Variants in NUBPL observed in about 807,000 individuals in gnomAD.
The protein encoded by NUBPL is NUBP iron-sulfur cluster assembly factor, mitochondrial.
NUBPL carries 31 observed loss-of-function variants against 45.7 expected under a neutral mutation model. The ratio of observed to expected loss-of-function variants is 0.68; its 90% CI spans 0.51 to 0.92. The LOEUF is 0.92. NUBPL is among the 40% of genes least tolerant of loss of function. NUBPL has a pLI of 0.00. For synonymous variants in NUBPL, 144 were observed against 140.9 expected (o/e 1.02, Z -0.15); for missense variants, 401 against 398.7 (o/e 1.01, Z -0.05).
At chr14:31,645,774 A>C (rs868010191) in intron 4 of NUBPL, among the ~76,000 whole-genome samples, 4,106 of 81,706 alleles carry the variant, frequency 0.05, 6 homozygotes, top group Middle Eastern at 0.1. Flanking sequence ...TATACTTTAC[A>C]CCCCCCCCCC....
At chr14:31,848,219 T>C (rs1036723565) in intron 9 of NUBPL, among the ~76,000 whole-genome samples, 44 of 152,298 alleles carry the variant, frequency 2.9e-4, no homozygotes, top group Non-Finnish European at 1.2e-4. Flanking sequence ...GAAAAATCAT[T>C]TAGAATTCCT....
intron 4 of NUBPL, among the ~76,000 whole-genome samples, chr14:31,660,831 A>G (rs1467873704): frequency 1.3e-5 from 2 of 152,214 alleles, no homozygotes; most frequent in African/African-American, 2.4e-5. Flanking sequence ...GCTAATACCA[A>G]GTACATGGTG....
intron 3 of NUBPL, among the ~76,000 whole-genome samples, chr14:31,596,831 T>C (rs2034297011): frequency 6.6e-6 from 1 of 152,164 alleles, no homozygotes. Context: ...CACCTTGCAG[T>C]GTTGCTGTGA....
intron 2 of NUBPL, among the ~76,000 whole-genome samples, chr14:31,563,048 T>TA (rs939903014): frequency 6.6e-5 from 10 of 152,198 alleles, no homozygotes; most frequent in South Asian, 6.2e-4. Flanking sequence ...ACCATATTGT[T>TA]AAAAAAAATT....
chr14:31,582,813 A>C (rs1403671829), intron 3 of NUBPL, among the ~76,000 whole-genome samples: 1 of 152,206 alleles, frequency 6.6e-6, no homozygotes, highest in African/African-American at 2.4e-5. Context: ...GTAATAGAGA[A>C]AAAAGGATTT....
intron 9 of NUBPL, 73 bp from the exon 10 acceptor site, chr14:31,850,046 G>C: frequency 9.0e-7 from 1 of 1,114,744 alleles, no homozygotes; most frequent in Non-Finnish European, 1.4e-6. Context: ...TCTTTCCATA[G>C]TTCAAATAGT....
intron 6 of NUBPL, among the ~76,000 whole-genome samples, chr14:31,728,024 A>C (rs983362817): frequency 2.0e-5 from 3 of 152,132 alleles, no homozygotes; most frequent in African/African-American, 7.2e-5. Context: ...AAAATCAAAA[A>C]ATTTTAAGGA....
At chr14:31,603,170 C>T (rs1477955941) in intron 4 of NUBPL, among the ~76,000 whole-genome samples, 1 of 151,532 alleles carries the variant, frequency 6.6e-6, no homozygotes, top group Admixed American at 6.6e-5. Flanking sequence ...CATGGTGGCT[C>T]ACACCTGTAG....
At chr14:31,644,851 A>G (rs1352588389) in intron 4 of NUBPL, among the ~76,000 whole-genome samples, 2 of 152,064 alleles carry the variant, frequency 1.3e-5, no homozygotes, top group African/African-American at 4.8e-5. Context: ...ATAGATATAT[A>G]TAGTTATTAT....
intron 1 of NUBPL, chr14:31,561,846 T>G (rs2139435390): frequency 3.3e-6 from 2 of 604,754 alleles, no homozygotes; most frequent in Non-Finnish European, 5.7e-6. Flanking sequence ...CGTTTTTACA[T>G]TTTTAAACGT....
intron 8 of NUBPL, chr14:31,846,165 C>T: frequency 8.4e-6 from 3 of 358,660 alleles, no homozygotes; most frequent in South Asian, 4.7e-5. Flanking sequence ...TCCTCATCAC[C>T]CCACAACCTG....
intron 7 of NUBPL, among the ~76,000 whole-genome samples, chr14:31,814,955 TG>T (rs1264451954): frequency 3.3e-5 from 5 of 152,218 alleles, no homozygotes; most frequent in Non-Finnish European, 5.9e-5. Context: ...TAGTATAGTT[TG>T]AAGTCAGGTA....
At chr14:31,856,202 A>G (rs566852958) in intron 10 of NUBPL, among the ~76,000 whole-genome samples, 1 of 152,276 alleles carries the variant, frequency 6.6e-6, no homozygotes, top group South Asian at 2.1e-4. Flanking sequence ...TCTTACATGG[A>G]TGGCGGCAGG....
intron 7 of NUBPL, among the ~76,000 whole-genome samples, chr14:31,816,209 G>C (rs4525403): frequency 0.075 from 11,341 of 152,068 alleles, 484 homozygotes; most frequent in Non-Finnish European, 0.092. Context: ...CTCAGTTTCA[G>C]AACTTACTGG....
intron 6 of NUBPL, among the ~76,000 whole-genome samples, chr14:31,752,161 C>T (rs1410504719): frequency 6.6e-6 from 1 of 152,196 alleles, no homozygotes; most frequent in Non-Finnish European, 1.5e-5. Flanking sequence ...TAACATTTTG[C>T]TCCTCATTAC....
chr14:31,635,864 C>A (rs1428202982), intron 4 of NUBPL, among the ~76,000 whole-genome samples: 14 of 152,194 alleles, frequency 9.2e-5, no homozygotes, highest in South Asian at 4.2e-4. Context: ...TGTGAATGGG[C>A]GTTCACTCAT....
At chr14:31,700,853 C>T (rs112117761) in intron 6 of NUBPL, among the ~76,000 whole-genome samples, 12,692 of 152,084 alleles carry the variant, frequency 0.083, 617 homozygotes, top group African/African-American at 0.14. Flanking sequence ...GGTTCCCTCA[C>T]GGCCTGAGCC....
chr14:31,628,463 G>A (rs1053795367), intron 4 of NUBPL, among the ~76,000 whole-genome samples: 2 of 152,042 alleles, frequency 1.3e-5, no homozygotes, highest in Non-Finnish European at 1.5e-5. Flanking sequence ...TTAAGTATTG[G>A]GAAGCTGCCA....
intron 4 of NUBPL, among the ~76,000 whole-genome samples, chr14:31,628,714 C>G (rs2035270068): frequency 6.6e-6 from 1 of 152,108 alleles, no homozygotes; most frequent in South Asian, 2.1e-4. Flanking sequence ...CAAACAATTG[C>G]ATAAGGGCTT....
Sources: gnomAD v4.1 joint callset for allele counts (sites outside exome capture counted in the v4.1 genomes callset) on GRCh38, gnomAD v4.1.1 for gene constraint, MANE v1.5 for transcripts, NCBI Gene and HGNC (gene_info 2026-07-23, HGNC 2026-07-21) for gene names.